COL26A1: variants seen among roughly 807,000 people sequenced by gnomAD.
COL26A1 encodes collagen type XXVI alpha 1 chain, also known as collagen alpha-1(XXVI) chain.
COL26A1 carries 41 observed loss-of-function variants against 59.3 expected under a neutral mutation model. The observed-to-expected ratio is 0.69, with a 90% CI of 0.54 to 0.90. COL26A1 has a LOEUF of 0.90. Among genes scored for constraint, COL26A1 ranks in the 40% least tolerant of loss-of-function variants. COL26A1 has a pLI of 0.00. For missense variants in COL26A1, 612 were observed against 602.3 expected, an observed-to-expected ratio of 1.02 and a Z score of -0.17; for synonymous variants, 266 against 256.0, an observed-to-expected ratio of 1.04 and a Z score of -0.37.
chr7:101,458,524 G>A (rs1166590819), intron 3 of COL26A1, among the ~76,000 whole-genome samples: 1 of 152,066 alleles, frequency 6.6e-6, no homozygotes, highest in Non-Finnish European at 1.5e-5. Context: ...TGTAATCCCA[G>A]CTACTTGGGA....
chr7:101,397,564 T>G, intron 1 of COL26A1, among the ~76,000 whole-genome samples: 1 of 130,248 alleles, frequency 7.7e-6, no homozygotes, highest in African/African-American at 2.7e-5. Context: ...TGAGACAGGG[T>G]CTCCCTCTGT....
intron 3 of COL26A1, among the ~76,000 whole-genome samples, chr7:101,519,003 A>G (rs1339090398): frequency 6.6e-6 from 1 of 152,214 alleles, no homozygotes; most frequent in African/African-American, 2.4e-5. Context: ...GACATCTCCC[A>G]TTCATGGCTG....
intron 3 of COL26A1, among the ~76,000 whole-genome samples, chr7:101,480,507 T>C (rs1794132742): frequency 6.6e-6 from 1 of 152,142 alleles, no homozygotes; most frequent in African/African-American, 2.4e-5. Flanking sequence ...TTTTTGTTTG[T>C]TTGTTTGTTT....
intron 1 of COL26A1, among the ~76,000 whole-genome samples, chr7:101,406,524 G>C (rs942808018): frequency 2.6e-5 from 4 of 152,164 alleles, no homozygotes; most frequent in Admixed American, 2.0e-4. Context: ...GGGGCTGTTG[G>C]GGGGCTATGG....
chr7:101,378,856 C>T (rs140990921), intron 1 of COL26A1, among the ~76,000 whole-genome samples: 3 of 152,064 alleles, frequency 2.0e-5, no homozygotes, highest in African/African-American at 7.2e-5. Flanking sequence ...TCTTTATGAT[C>T]GGCTCAGACT....
intron 1 of COL26A1, among the ~76,000 whole-genome samples, chr7:101,380,132 C>T (rs762801843): frequency 2.0e-5 from 3 of 152,120 alleles, no homozygotes; most frequent in Non-Finnish European, 4.4e-5. Context: ...GCTGGCACTA[C>T]AGGTGCCTGC....
At chr7:101,504,840 T>C (rs1193137457) in intron 3 of COL26A1, among the ~76,000 whole-genome samples, 4 of 152,096 alleles carry the variant, frequency 2.6e-5, no homozygotes, top group African/African-American at 9.7e-5. Context: ...TGTGTGTGTA[T>C]GCCTGTGTGT....
At chr7:101,499,601 T>C (rs1286893256) in intron 3 of COL26A1, among the ~76,000 whole-genome samples, 1 of 152,044 alleles carries the variant, frequency 6.6e-6, no homozygotes, top group Non-Finnish European at 1.5e-5. Context: ...GGAGAATCAC[T>C]TGAACCTGGG....
chr7:101,519,335 G>C (rs117981435), intron 3 of COL26A1, among the ~76,000 whole-genome samples: 1 of 152,214 alleles, frequency 6.6e-6, no homozygotes, highest in African/African-American at 2.4e-5. Flanking sequence ...CCTAGAGACA[G>C]GGTCTCGCTC....
intron 3 of COL26A1, among the ~76,000 whole-genome samples, chr7:101,482,420 C>G (rs1347339832): frequency 1.3e-5 from 2 of 152,176 alleles, no homozygotes; most frequent in Non-Finnish European, 2.9e-5. Flanking sequence ...GCACCAAATT[C>G]CTCCCAAGAA....
chr7:101,464,421 A>ATTT lies in COL26A1; in HGVS notation c.385+16640_385+16642dup, dbSNP rs535109569. 5.6e-5 allele frequency among the ~76,000 whole-genome samples: 8 copies of ATTT among 142,476 alleles called. No homozygotes were observed. The South Asian group carries it at 1.4e-3, about 24-fold the overall frequency. 93.5% of individuals were successfully genotyped at this position (142,476 alleles called of 152,430 possible). A position where few individuals can be genotyped will look rare whatever the true frequency, so the allele number is the denominator to read the frequency against. On this transcript the variant is annotated intron_variant, in intron 3 of 12. Transcript: ENST00000313669. Reference sequence around the variant, plus strand: ...AGCATCTAATTCTTATTTTATTATTATTTTTTTTGAGATGGAGTTTTGCTC... The same window carrying ATTT: ...AGCATCTAATTCTTATTTTATTATTATTTTTTTTTTTGAGATGGAGTTTTGCTC...
At chr7:101,459,626 G>T (rs11771778) in intron 3 of COL26A1, among the ~76,000 whole-genome samples, 3 of 151,908 alleles carry the variant, frequency 2.0e-5, no homozygotes, top group Non-Finnish European at 4.4e-5. Context: ...GCCTACGACC[G>T]TGGAGTTTTA....
At chr7:101,537,820 C>T (rs1192869358) in intron 4 of COL26A1, among the ~76,000 whole-genome samples, 1 of 152,262 alleles carries the variant, frequency 6.6e-6, no homozygotes, top group East Asian at 1.9e-4. Context: ...CTAGCCTCCC[C>T]ACACCATCCC....
intron 11 of COL26A1, among the ~76,000 whole-genome samples, chr7:101,555,394 G>A (rs924246203): frequency 2.6e-5 from 4 of 152,146 alleles, no homozygotes; most frequent in Admixed American, 1.3e-4. Context: ...TCCTACCTTC[G>A]GGCCCTGGGA....
chr7:101,396,149 C>A (rs779568616), intron 1 of COL26A1, among the ~76,000 whole-genome samples: 45 of 151,874 alleles, frequency 3.0e-4, no homozygotes, highest in Admixed American at 1.3e-4. Context: ...TGCCTATAGT[C>A]CCAGCTACTG....
intron 1 of COL26A1, among the ~76,000 whole-genome samples, chr7:101,390,005 T>A (rs1329851420): frequency 6.6e-6 from 1 of 152,126 alleles, no homozygotes; most frequent in African/African-American, 2.4e-5. Flanking sequence ...AAATTTTTAC[T>A]TTTGATGTAA....
intron 6 of COL26A1, 95 bp downstream of exon 6, chr7:101,544,191 C>T (rs1362904786): frequency 4.7e-6 from 4 of 844,380 alleles, no homozygotes; most frequent in Non-Finnish European, 7.3e-6. Context: ...CACGCACCCA[C>T]AGCCCTGATC....
At chr7:101,551,500 A>G (rs1022436160) in intron 10 of COL26A1, among the ~76,000 whole-genome samples, 1 of 152,166 alleles carries the variant, frequency 6.6e-6, no homozygotes, top group African/African-American at 2.4e-5. Flanking sequence ...ATAGGCTTAG[A>G]CAGCCTTCCT....
intron 1 of COL26A1, among the ~76,000 whole-genome samples, chr7:101,413,194 C>A (rs767506099): frequency 3.8e-4 from 58 of 152,100 alleles, no homozygotes; most frequent in Non-Finnish European, 5.7e-4. Flanking sequence ...TGCTCCTCCC[C>A]CTAGGTGAAG....
Sources: allele counts gnomAD v4.1 joint callset (sites outside exome capture counted in the v4.1 genomes callset), GRCh38; gene constraint gnomAD v4.1.1; transcripts MANE v1.5; gene names NCBI Gene and HGNC (gene_info 2026-07-23, HGNC 2026-07-21).